The following DAO variants were observed in gnomAD, a reference collection of about 807,000 sequenced individuals.
DAO encodes the protein D-amino acid oxidase.
A neutral mutation model predicts 50.1 loss-of-function variants in DAO; 51 were observed. The ratio of observed to expected loss-of-function variants is 1.02; its 90% CI spans 0.81 to 1.29. The LOEUF is 1.29. DAO is among the 50% of genes most tolerant of loss of function. The pLI is 0.00. For synonymous variants in DAO, 160 were observed against 166.2 expected (o/e 0.96, Z 0.29); for missense variants, 436 against 439.4 (o/e 0.99, Z 0.07).
chr12:108,886,707 C>T (rs2039439456), intron 2 of DAO, among the ~76,000 whole-genome samples: 1 of 152,134 alleles, frequency 6.6e-6, no homozygotes, highest in Non-Finnish European at 1.5e-5. Flanking sequence ...CTCAAGTGAC[C>T]CTCCTGCCTC....
chr12:108,896,207 A>T (rs1210398334), intron 7 of DAO, among the ~76,000 whole-genome samples: 2 of 151,804 alleles, frequency 1.3e-5, no homozygotes, highest in Non-Finnish European at 2.9e-5. Context: ...GTGGATCACG[A>T]GGTCAGGAGT....
At chr12:108,898,090 T>G (rs1453270905) in intron 8 of DAO, among the ~76,000 whole-genome samples, 1 of 152,008 alleles carries the variant, frequency 6.6e-6, no homozygotes, top group East Asian at 1.9e-4. Context: ...GACAATATTG[T>G]TGATAGCGGA....
At position 108,889,563 on chromosome 12, in the gene DAO, G is replaced by A. The variant is rs1373835948; in HGVS notation, c.386+18G>A. ...GATTACGGGTGAGTTTATTGTCACA[G>A]GCAAAGGGGACTGGGGCCTGACGAG... On this transcript the variant is annotated intron_variant, in intron 4 of 10. Coordinates refer to ENST00000228476, the MANE Select transcript of DAO (RefSeq NM_001917.5). 1.9e-6 allele frequency: 3 copies of A among 1,601,362 alleles called. No homozygotes were observed. The highest frequency in any genetic ancestry group is 2.6e-6 in the Non-Finnish European group (3 of 1,169,578).
Position 108,889,539 on chromosome 12 carries a change from A to T in DAO, c.380A>T (p.Asp127Val), listed in dbSNP as rs1162131595. ...CCCAGAGAGCTGGATATGTTCCCAG[A>T]TTACGGGTGAGTTTATTGTCACAGG... ...LTPRELDMFP[D>V]YGYGWFHTSL... The change falls in exon 4 of 11, where the codon GAT becomes GTT. Residue 127 changes from aspartate (D) to valine (V), a missense_variant. Transcript: ENST00000228476. 4 of 1,612,208 alleles carry T rather than the reference A, an allele frequency of 2.5e-6. No homozygotes were observed. In the East Asian group the frequency reaches 8.9e-5, roughly 36 times the overall value.
intron 2 of DAO, among the ~76,000 whole-genome samples, chr12:108,886,604 A>C (rs1349164634): frequency 6.6e-6 from 1 of 152,132 alleles, no homozygotes; most frequent in Non-Finnish European, 1.5e-5. Context: ...TAGCGAGGAC[A>C]CACATGCATG....
At chr12:108,896,649 CT>C (rs1016544949) in intron 7 of DAO, among the ~76,000 whole-genome samples, 1 of 152,046 alleles carries the variant, frequency 6.6e-6, no homozygotes, top group African/African-American at 2.4e-5. Flanking sequence ...GTGAACTCAG[CT>C]CCAAGGTTTC....
At chr12:108,895,753 G>A (rs2039547218) in intron 7 of DAO, among the ~76,000 whole-genome samples, 1 of 151,128 alleles carries the variant, frequency 6.6e-6, no homozygotes, top group Non-Finnish European at 1.5e-5. Context: ...GTGCATGTGT[G>A]TGAGGGTGTG....
At chr12:108,891,843 T>C (rs7134038) in intron 5 of DAO, among the ~76,000 whole-genome samples, 4,905 of 152,146 alleles carry the variant, frequency 0.032, 237 homozygotes, top group African/African-American at 0.1. Flanking sequence ...CAAGCAATCT[T>C]CCTGCCTCAG....
rs1020045357 is a variant in DAO, at chr12:108,889,684, G to A, written c.386+139G>A. On this transcript the variant is annotated intron_variant, in intron 4 of 10. Transcript: ENST00000228476. Reference sequence around the variant, plus strand: ...CCCTGGTCTCCTGGTCCTTGGTCCAGCTCCTTCAGAGAGGCTACCCACTCA... The same window carrying A: ...CCCTGGTCTCCTGGTCCTTGGTCCAACTCCTTCAGAGAGGCTACCCACTCA... The A allele has an allele frequency of 1.3e-5, 9 of 706,220 alleles. No individual in the cohort carries two copies. In the East Asian group the frequency reaches 1.8e-4, roughly 14 times the overall value. The allele number at this position is 706,220 out of a possible 1,614,324, so 43.7% of individuals were successfully genotyped here.
Position 108,894,336 on chromosome 12 carries a change from T to C in DAO, c.581T>C (p.Leu194Pro). ...GCTGGGGCGCTACAACGAGACCCCC[T>C]GCTGCAGCCAGGCCGGGGGCAGATC... ...VWAGALQRDP[L>P]LQPGRGQIMK... The change falls in exon 7 of 11, where the codon CTG becomes CCG. Residue 194 changes from leucine to proline, a missense_variant. Coordinates refer to ENST00000228476, the MANE Select transcript of DAO (RefSeq NM_001917.5). 1 of 1,614,010 alleles carries C rather than the reference T, an allele frequency of 6.2e-7. No homozygotes were observed. The highest frequency in any genetic ancestry group is 8.5e-7 in the Non-Finnish European group (1 of 1,179,944).
chr12:108,882,734 G>C (rs1953530161), intron 1 of DAO, among the ~76,000 whole-genome samples: 1 of 152,170 alleles, frequency 6.6e-6, no homozygotes, highest in South Asian at 2.1e-4. Context: ...AAGTCAGGCT[G>C]CGAACCTGGG....
intron 3 of DAO, 89 bp from the exon 4 acceptor site, chr12:108,889,380 G>A: frequency 3.5e-6 from 3 of 853,880 alleles, no homozygotes; most frequent in Non-Finnish European, 5.9e-6. Context: ...AAAGTGCTGG[G>A]ATTACAGGTG....
chr12:108,900,455 T>C lies in DAO; in HGVS notation c.964T>C (p.Cys322Arg). The change falls in exon 11 of 11, where the codon TGT becomes CGT. Residue 322 changes from cysteine to arginine, a missense_variant. Coordinates refer to ENST00000228476, the MANE Select transcript of DAO (RefSeq NM_001917.5). ...GGYGLTIHWG[C>R]ALEAAKLFGR... is the part of the protein sequence containing the mutation. ...CTACGGGCTCACCATCCACTGGGGA[T>C]GTGCCCTGGAGGCAGCCAAGCTCTT... is the stretch of plus-strand genomic sequence containing the variant. 6.2e-7 allele frequency: 1 copy of C among 1,614,170 alleles called. No individual in the cohort carries two copies. The highest frequency in any genetic ancestry group is 1.3e-5 in the African/African-American group (1 of 75,044).
chr12:108,888,253 G>A (rs1031610664), intron 3 of DAO, among the ~76,000 whole-genome samples: 9 of 152,290 alleles, frequency 5.9e-5, no homozygotes, highest in East Asian at 3.9e-4. Flanking sequence ...CCAGAGCCCC[G>A]TGCCAGCTCT....
intron 5 of DAO, among the ~76,000 whole-genome samples, chr12:108,892,129 G>T (rs538034709): frequency 6.7e-6 from 1 of 149,278 alleles, no homozygotes; most frequent in South Asian, 2.2e-4. Context: ...CCTGTTCTTT[G>T]GATGTTTCTA....
intron 7 of DAO, among the ~76,000 whole-genome samples, chr12:108,894,779 A>G (rs1260795782): frequency 1.3e-5 from 2 of 152,140 alleles, no homozygotes; most frequent in East Asian, 1.9e-4. Context: ...GTTAGAGTGC[A>G]GTATCTTGAT....
chr12:108,896,955 G>A (rs775000020), intron 7 of DAO, 51 bp from the exon 8 acceptor site: 2 of 1,405,780 alleles, frequency 1.4e-6, no homozygotes, highest in South Asian at 1.1e-5. Context: ...AGCAAGGGCA[G>A]CCACATTGAC....
Position 108,900,585 on chromosome 12 carries a change from A to G in DAO, c.*50A>G. ...CCCACAAGAACTCCCTTCTCCCCTC[A>G]GCCAATGAATCAATGTGCTCCTTCA... On this transcript the variant is annotated 3_prime_UTR_variant, in exon 11 of 11. Coordinates refer to ENST00000228476, the MANE Select transcript of DAO (RefSeq NM_001917.5). 2.5e-6 allele frequency: 4 copies of G among 1,608,468 alleles called. No homozygotes were observed. Among genetic ancestry groups the G allele is most frequent in the Non-Finnish European group, 3.4e-6 (4 of 1,176,650 alleles).
chr12:108,894,500 T>C, intron 7 of DAO, 133 bp downstream of exon 7: 1 of 776,060 alleles, frequency 1.3e-6, no homozygotes, highest in Non-Finnish European at 2.1e-6. Context: ...GGAATTGACA[T>C]GTAAAAAAAA....
Sources: allele counts gnomAD v4.1 joint callset (sites outside exome capture counted in the v4.1 genomes callset), GRCh38; gene constraint gnomAD v4.1.1; transcripts MANE v1.5; gene names NCBI Gene and HGNC (gene_info 2026-07-23, HGNC 2026-07-21).